The following SRGAP1 variants were observed in gnomAD, a reference collection of about 807,000 sequenced individuals.
The protein encoded by SRGAP1 is SLIT-ROBO Rho GTPase activating protein 1.
Under a neutral mutation model 121.9 loss-of-function variants are expected in SRGAP1, and 43 were observed. The observed-to-expected ratio is 0.35, with a 90% CI of 0.28 to 0.46. The LOEUF (loss-of-function observed/expected upper bound fraction) is 0.46. Ranked by LOEUF, SRGAP1 falls within the 20% of genes least tolerant of loss-of-function variation. SRGAP1 has a pLI of 1.00. For missense variants in SRGAP1, 1,102 were observed against 1,350.9 expected, an observed-to-expected ratio of 0.82 and a Z score of 2.89; for synonymous variants, 447 against 485.4, an observed-to-expected ratio of 0.92 and a Z score of 1.04.
At chr12:64,069,020 A>AT (rs1397874012) in intron 8 of SRGAP1, among the ~76,000 whole-genome samples, 1 of 150,918 alleles carries the variant, frequency 6.6e-6, no homozygotes, top group Non-Finnish European at 1.5e-5. Context: ...AAAAAAAAAA[A>AT]AATGTGTGTA....
At chr12:63,858,218 A>G (rs969369059) in intron 1 of SRGAP1, among the ~76,000 whole-genome samples, 9 of 150,448 alleles carry the variant, frequency 6.0e-5, no homozygotes, top group Non-Finnish European at 1.3e-4. Flanking sequence ...GTCTGTCTGT[A>G]TACACCGTTG....
At chr12:64,028,625 C>A (rs928300027) in intron 4 of SRGAP1, among the ~76,000 whole-genome samples, 3 of 152,194 alleles carry the variant, frequency 2.0e-5, no homozygotes, top group Non-Finnish European at 4.4e-5. Context: ...TCTGGTGAAA[C>A]CCCTTTGTGG....
chr12:64,044,009 G>T (rs2035076469), intron 6 of SRGAP1, among the ~76,000 whole-genome samples: 1 of 152,154 alleles, frequency 6.6e-6, no homozygotes, highest in Admixed American at 6.6e-5. Flanking sequence ...CTTAAGAAAT[G>T]ATTAAATGGA....
chr12:63,920,138 A>G (rs1462038185), intron 1 of SRGAP1, among the ~76,000 whole-genome samples: 2 of 152,250 alleles, frequency 1.3e-5, no homozygotes, highest in African/African-American at 2.4e-5. Flanking sequence ...TAAGAGCTCC[A>G]GCAGACCCAC....
chr12:64,116,770 C>T (rs1454985686), intron 18 of SRGAP1, among the ~76,000 whole-genome samples: 1 of 152,126 alleles, frequency 6.6e-6, no homozygotes, highest in Non-Finnish European at 1.5e-5. Context: ...TAGGAGTAAC[C>T]GTGTCTTCAG....
chr12:63,946,186 A>G (rs541334989), intron 1 of SRGAP1, among the ~76,000 whole-genome samples: 4 of 152,280 alleles, frequency 2.6e-5, no homozygotes, highest in East Asian at 1.9e-4. Context: ...CAACAAAATA[A>G]TGGGGAAGAT....
chr12:63,940,210 C>T (rs541866890), intron 1 of SRGAP1, among the ~76,000 whole-genome samples: 1 of 152,014 alleles, frequency 6.6e-6, no homozygotes, highest in Non-Finnish European at 1.5e-5. Context: ...GATCCACACG[C>T]CTCGCCCTCC....
At chr12:64,076,866 A>G (rs564102773) in intron 8 of SRGAP1, among the ~76,000 whole-genome samples, 2 of 151,892 alleles carry the variant, frequency 1.3e-5, no homozygotes, top group African/African-American at 4.8e-5. Context: ...CTGGTCTCGA[A>G]CTCCTGACCT....
chr12:63,892,361 G>A (rs1900615742), intron 1 of SRGAP1, among the ~76,000 whole-genome samples: 1 of 152,056 alleles, frequency 6.6e-6, no homozygotes, highest in Non-Finnish European at 1.5e-5. Context: ...TTGTTCACAT[G>A]GAATCATTCT....
At chr12:63,965,702 T>C (rs2032771087) in intron 1 of SRGAP1, among the ~76,000 whole-genome samples, 1 of 152,214 alleles carries the variant, frequency 6.6e-6, no homozygotes, top group South Asian at 2.1e-4. Context: ...AGAAAGTAAT[T>C]GTACTATGTT....
chr12:64,082,389 C>T (rs540736097), intron 10 of SRGAP1, among the ~76,000 whole-genome samples: 8 of 151,158 alleles, frequency 5.3e-5, no homozygotes, highest in Admixed American at 3.3e-4. Flanking sequence ...TGCCAAATTC[C>T]GTCTTTAGCT....
intron 1 of SRGAP1, among the ~76,000 whole-genome samples, chr12:63,918,876 T>C (rs1158594790): frequency 6.6e-6 from 1 of 152,208 alleles, no homozygotes; most frequent in African/African-American, 2.4e-5. Flanking sequence ...GTTTGCATTC[T>C]AATGGGAGAG....
chr12:63,894,754 G>A (rs1476117327), intron 1 of SRGAP1, among the ~76,000 whole-genome samples: 4 of 152,126 alleles, frequency 2.6e-5, no homozygotes, highest in African/African-American at 9.7e-5. Context: ...AGTTTGCTGA[G>A]AATGATGGTT....
rs139191020 is a variant in SRGAP1 at position 63,886,904 on chromosome 12, C to T, written c.67+42021C>T. On this transcript the variant is annotated intron_variant, in intron 1 of 21. Coordinates refer to ENST00000355086, the MANE Select transcript of SRGAP1 (RefSeq NM_020762.4). ...TGTTTTTGTTTTTGAGATGGAGTCT[C>T]GCTCTGTCTCCCAGGCTAGAGTGCA... 1.6e-4 allele frequency among the ~76,000 whole-genome samples: 24 copies of T among 152,246 alleles called. No homozygotes were observed. The East Asian group carries it at 2.9e-3, about 18-fold the overall frequency.
chr12:64,082,001 C>CTTTTTTTTTTTTTTTTTTTTTT lies in SRGAP1; in HGVS notation c.1408+1652_1408+1653insTTTTTTTTTTTTTTTTTTTTTT. 35 of 66,138 alleles carry CTTTTTTTTTTTTTTTTTTTTTT rather than the reference C, an allele frequency of 5.3e-4. 2 individuals carry two copies. Among genetic ancestry groups the CTTTTTTTTTTTTTTTTTTTTTT allele is most frequent in the Admixed American group, 8.8e-4 (3 of 3,416 alleles). 4.1% of individuals were successfully genotyped at this position (66,138 alleles called of 1,614,324 possible). On this transcript the variant is annotated intron_variant, in intron 10 of 21. Transcript: ENST00000355086. ...TTTCCCTCACAGTGTCATGTAAGGT[C>CTTTTTTTTTTTTTTTTTTTTTT]TTTTTTTTTTTTTTTTTTTTTCAAT...
chr12:63,992,379 A>G (rs1400675846), intron 3 of SRGAP1, among the ~76,000 whole-genome samples: 2 of 152,180 alleles, frequency 1.3e-5, no homozygotes, highest in Non-Finnish European at 2.9e-5. Flanking sequence ...TCCATTCTTG[A>G]GGAAGCAAGA....
Position 63,990,198 on chromosome 12 carries a change from TA to T in SRGAP1, c.426+131del, listed in dbSNP as rs1343361471. The T allele has an allele frequency of 8.9e-5, 67 of 752,456 alleles. No homozygotes were observed. The East Asian group carries it at 1.6e-3, about 18-fold the overall frequency. 46.6% of individuals were successfully genotyped at this position (752,456 alleles called of 1,614,324 possible). ...CCTTTAGAGACACAGAATAAACAGT[TA>T]AAAATTAGATGAATGGATGTTTTAA... On this transcript the variant is annotated intron_variant, in intron 3 of 21. Coordinates refer to ENST00000355086, the MANE Select transcript of SRGAP1 (RefSeq NM_020762.4).
chr12:63,919,244 G>C (rs2136325047), intron 1 of SRGAP1, among the ~76,000 whole-genome samples: 1 of 152,106 alleles, frequency 6.6e-6, no homozygotes, highest in African/African-American at 2.4e-5. Context: ...TTTTTGTAGA[G>C]ACAGGGTTTC....
rs73321325 is a variant in SRGAP1, at chr12:64,108,178, A to T, written c.1814-754A>T. ...TATACAAATAATGTGTTGTAGTAGT[A>T]ACCTTTTTGCTGATGTTCACAAGCA... is the stretch of plus-strand genomic sequence containing the variant. On this transcript the variant is annotated intron_variant, in intron 15 of 21. Coordinates refer to ENST00000355086, the MANE Select transcript of SRGAP1 (RefSeq NM_020762.4). Among the ~76,000 whole-genome samples, 248 of 152,300 alleles carry T rather than the reference A, an allele frequency of 1.6e-3. 1 individual carries two copies. The highest frequency in any genetic ancestry group is 5.5e-3 in the African/African-American group (230 of 41,572).
Sources: gnomAD v4.1 joint callset for allele counts (sites outside exome capture counted in the v4.1 genomes callset) on GRCh38, gnomAD v4.1.1 for gene constraint, MANE v1.5 for transcripts, NCBI Gene and HGNC (gene_info 2026-07-23, HGNC 2026-07-21) for gene names.